TNFRSF4: variants seen among roughly 807,000 people sequenced by gnomAD.
The protein encoded by TNFRSF4 is TNF receptor superfamily member 4.
A neutral mutation model predicts 29.5 loss-of-function variants in TNFRSF4; 21 were observed. The ratio of observed to expected loss-of-function variants is 0.71; its 90% CI spans 0.51 to 1.03. The LOEUF (loss-of-function observed/expected upper bound fraction) is 1.03. TNFRSF4 is among the 50% of genes least tolerant of loss of function. TNFRSF4 has a pLI of 0.00. For synonymous variants in TNFRSF4, 197 were observed against 172.7 expected, an observed-to-expected ratio of 1.14 and a Z score of -1.10; for missense variants, 408 against 387.8, an observed-to-expected ratio of 1.05 and a Z score of -0.44.
chr1:1,213,385 C>G lies in TNFRSF4; in HGVS notation c.268+278G>C, dbSNP rs533670044. On this transcript the variant is annotated intron_variant, in intron 2 of 6. Transcript: ENST00000379236. Reference sequence around the variant, plus strand: ...GGCAGGGTCTCCATGGCCCAACCCCCCAGCCTCACTGCTCAGGCCAGCAAG... The same window carrying G: ...GGCAGGGTCTCCATGGCCCAACCCCGCAGCCTCACTGCTCAGGCCAGCAAG... The G allele has an allele frequency of 8.4e-4, 1,290 of 1,532,564 alleles. 2 individuals are homozygous for G. Among genetic ancestry groups the G allele is most frequent in the Non-Finnish European group, 1.1e-3 (1,233 of 1,143,606 alleles). 94.9% of individuals were successfully genotyped at this position (1,532,564 alleles called of 1,614,324 possible).
At position 1,214,105 on chromosome 1, in the gene TNFRSF4, A is replaced by C; in HGVS notation, c.23T>G (p.Leu8Arg). Residue 8 changes from leucine (L) to arginine (R), a missense_variant, in exon 1 of 7, where the codon CTG becomes CGG. Transcript: ENST00000379236. This position sits in a 1 kb window ranked among gnomAD's most constrained non-coding sequence, Gnocchi z 4.2. ...CAGAGCCGCACACGGCCCGCGGCCC[A>C]GCCGCCGAGCCCCCACGCACATCCT... MCVGARR[L>R]GRGPCAALLL... 1 of 1,583,336 alleles carries C rather than the reference A, an allele frequency of 6.3e-7. No individual in the cohort carries two copies. Among genetic ancestry groups the C allele is most frequent in the East Asian group, 2.3e-5 (1 of 43,998 alleles).
At position 1,212,688 on chromosome 1, in the gene TNFRSF4, AG is replaced by A; in HGVS notation, c.386del (p.Pro129LeufsTer?). On this transcript the variant is annotated frameshift_variant, in exon 4 of 7. Transcript: ENST00000379236. LOFTEE classifies it high-confidence loss of function. ...TGTCGCCTGGGGAGAAGTGCCCTGG[AG>A]GGCAGGGGGCACAGTCTGCAACAAA... ...YKPGVDCAPC[P>X]PGHFSPGDNQ... is the part of the protein sequence containing the mutation. 6.6e-7 allele frequency: 1 copy of A among 1,516,468 alleles called. No homozygotes were observed. Among genetic ancestry groups the A allele is most frequent in the Non-Finnish European group, 8.8e-7 (1 of 1,131,666 alleles). 93.9% of individuals were successfully genotyped at this position (1,516,468 alleles called of 1,614,324 possible).
rs773180013 is a variant in TNFRSF4, at chr1:1,211,963, G to A, written c.613C>T (p.Arg205Trp). 35 of 1,585,256 alleles carry A rather than the reference G, an allele frequency of 2.2e-5. No homozygotes were observed. Among genetic ancestry groups the A allele is most frequent in the African/African-American group, 6.7e-5 (5 of 74,156 alleles). ...WPRTSQGPST[R>W]PVEVPGGRAV... is the part of the protein sequence containing the mutation. ...TTACCCCCGGGGACCTCCACGGGCC[G>A]GGTGGAGGGTCCCTGTGAGGTTCTG... is the stretch of plus-strand genomic sequence containing the variant. Residue 205 changes from arginine to tryptophan, a missense_variant, in exon 5 of 7, where the codon CGG becomes TGG. Coordinates refer to ENST00000379236, the MANE Select transcript of TNFRSF4 (RefSeq NM_003327.4).
chr1:1,213,099 C>A lies in TNFRSF4; in HGVS notation c.269-6G>T. On this transcript the variant is annotated splice_region_variant and splice_polypyrimidine_tract_variant and intron_variant, in intron 2 of 6. Transcript: ENST00000379236. ...CTTCCGCTCACTCCCACTTCCTGAGCAGGGGCCGGATGGGGGGGTGGTCAG... is the reference window on the plus strand; with the variant it reads ...CTTCCGCTCACTCCCACTTCCTGAGAAGGGGCCGGATGGGGGGGTGGTCAG... The A allele has an allele frequency of 6.2e-7, 1 of 1,606,552 alleles. No individual in the cohort carries two copies. The highest frequency in any genetic ancestry group is 8.5e-7 in the Non-Finnish European group (1 of 1,177,916).
At chr1:1,212,208 C>T (rs1649172908) in intron 4 of TNFRSF4, 70 bp from the exon 5 acceptor site, 3 of 1,548,636 alleles carry the variant, frequency 1.9e-6, no homozygotes, top group Non-Finnish European at 2.6e-6. Context: ...GTGGGGATAA[C>T]AGGGTCCACG....
intron 4 of TNFRSF4, among the ~76,000 whole-genome samples, 174 bp from the exon 5 acceptor site, chr1:1,212,312 A>T (rs1325696357): frequency 6.6e-6 from 1 of 151,458 alleles, no homozygotes; most frequent in East Asian, 2.0e-4. Context: ...GGGGCCTCCA[A>T]GGCCACACAC....
At chr1:1,213,886 G>GC in intron 1 of TNFRSF4, 97 bp downstream of exon 1, 2 of 515,516 alleles carry the variant, frequency 3.9e-6, no homozygotes, top group South Asian at 4.6e-5. Flanking sequence ...CCCCTCACCC[G>GC]CCCCCTCCCC....
rs372412045 is a variant in TNFRSF4 at position 1,212,091 on chromosome 1, G to A, written c.485C>T (p.Ser162Leu). The change falls in exon 5 of 7, where the codon TCG becomes TTG. Residue 162 changes from serine (S) to leucine (L), a missense_variant. Transcript: ENST00000379236. ...GTCCCTGTCCTCACAGATTGCGTCC[G>A]AGCTATTGCTGGCCGGCTGCAGGGT... The part of the protein sequence containing the change: ...KHTLQPASNS[S>L]DAICEDRDPP... 9.3e-6 allele frequency: 15 copies of A among 1,612,492 alleles called. No individual in the cohort carries two copies. The highest frequency in any genetic ancestry group is 4.5e-5 in the East Asian group (2 of 44,888).
chr1:1,211,982 G>A lies in TNFRSF4; in HGVS notation c.594C>T (p.Thr198=). The change falls in exon 5 of 7, where the codon ACC becomes ACT. Residue 198 remains threonine, a synonymous_variant. Transcript: ENST00000379236. ...TVQPTEAWPR[T]SQGPSTRPVE... ...CGGGCCGGGTGGAGGGTCCCTGTGA[G>A]GTTCTGGGCCAGGCTTCAGTGGGCT... The A allele has an allele frequency of 6.2e-7, 1 of 1,602,182 alleles. No homozygotes were observed. Among genetic ancestry groups the A allele is most frequent in the Non-Finnish European group, 8.5e-7 (1 of 1,175,254 alleles).
chr1:1,214,085 C>A lies in TNFRSF4; in HGVS notation c.43G>T (p.Ala15Ser). The change falls in exon 1 of 7, where the codon GCT (alanine) becomes TCT (serine). Residue 15 changes from alanine (A) to serine (S), a missense_variant. Transcript: ENST00000379236. The surrounding 1 kb of genome is among the most constrained non-coding windows in gnomAD (Gnocchi z 4.2). Reference protein sequence around the residue: ...ARRLGRGPCAALLLLGLGLST... With the variant: ...ARRLGRGPCASLLLLGLGLST... ...AGCCCCAGGCCCAGGAGGAGCAGAGCCGCACACGGCCCGCGGCCCAGCCGC... is the reference window on the plus strand; with the variant it reads ...AGCCCCAGGCCCAGGAGGAGCAGAGACGCACACGGCCCGCGGCCCAGCCGC... The A allele has an allele frequency of 6.3e-7, 1 of 1,589,474 alleles. No homozygotes were observed. Among genetic ancestry groups the A allele is most frequent in the South Asian group, 1.1e-5 (1 of 88,440 alleles).
At position 1,211,625 on chromosome 1, in the gene TNFRSF4, C is replaced by G; in HGVS notation, c.764G>C (p.Gly255Ala). 6.4e-7 allele frequency: 1 copy of G among 1,554,674 alleles called. No homozygotes were observed. The highest frequency in any genetic ancestry group is 8.7e-7 in the Non-Finnish European group (1 of 1,152,406). The change falls in exon 7 of 7, where the codon GGG becomes GCG. Residue 255 changes from glycine to alanine, a missense_variant and splice_region_variant. Transcript: ENST00000379236. ...RLPPDAHKPP[G>A]GGSFRTPIQE... is the part of the protein sequence containing the mutation. ...GATGGGGGTCCGGAAACTGCCTCCC[C>G]CTGGGGAGGAAAAAAGGAGAGATTG...
intron 1 of TNFRSF4, 72 bp from the exon 2 acceptor site, chr1:1,213,857 C>T: frequency 6.7e-7 from 1 of 1,498,476 alleles, no homozygotes; most frequent in Non-Finnish European, 8.9e-7. Context: ...CAGGCGGCTC[C>T]TCTGCCAGGC....
Position 1,211,709 on chromosome 1 carries a change from G to T in TNFRSF4, c.758C>A (p.Pro253His). 1.3e-6 allele frequency: 2 copies of T among 1,592,932 alleles called. No individual in the cohort carries two copies. Among genetic ancestry groups the T allele is most frequent in the East Asian group, 2.3e-5 (1 of 44,274 alleles). Residue 253 changes from proline to histidine, a missense_variant, in exon 6 of 7, where the codon CCC (proline) becomes CAC (histidine). Coordinates refer to ENST00000379236, the MANE Select transcript of TNFRSF4 (RefSeq NM_003327.4). ...CAGGGCCATGAGGCACTCACCAGGG[G>T]GCTTGTGGGCATCGGGGGGCAGCCT... The part of the protein sequence containing the change: ...DQRLPPDAHK[P>H]PGGGSFRTPI...
At chr1:1,212,354 C>T (rs926840085) in intron 4 of TNFRSF4, among the ~76,000 whole-genome samples, 3 of 152,080 alleles carry the variant, frequency 2.0e-5, no homozygotes, top group Admixed American at 6.5e-5. Context: ...CCCACCAGCA[C>T]CTCCCTGTCC....
In TNFRSF4 at chr1:1,213,646, G is replaced by A. The variant is rs764677863; in HGVS notation, c.268+17C>T. ...CCCCTGTGCTGGGTGGGGCTGTGGG[G>A]CCAGGTGGGAGCTCACTGAGGTTAC... On this transcript the variant is annotated intron_variant, in intron 2 of 6. Transcript: ENST00000379236. The A allele has an allele frequency of 1.9e-6, 3 of 1,575,490 alleles. No homozygotes were observed. Among genetic ancestry groups the A allele is most frequent in the Middle Eastern group, 3.3e-4 (2 of 5,984 alleles).
In TNFRSF4 at chr1:1,214,044, C is replaced by T. The variant is rs1455488914; in HGVS notation, c.84G>A (p.Gly28=). ...LLGLGLSTVT[G]LHCVGDTYPS... is the part of the protein sequence containing the mutation. Reference sequence around the variant, plus strand: ...GGTAGGTGTCCCCGACACAGTGGAGCCCCGTCACGGTGCTCAGCCCCAGGC... The same window carrying T: ...GGTAGGTGTCCCCGACACAGTGGAGTCCCGTCACGGTGCTCAGCCCCAGGC... The change falls in exon 1 of 7, where the codon GGG becomes GGA. Residue 28 remains glycine (G), a synonymous_variant. Transcript: ENST00000379236. This position sits in a 1 kb window ranked among gnomAD's most constrained non-coding sequence, Gnocchi z 4.2. 2.5e-6 allele frequency: 4 copies of T among 1,602,696 alleles called. No individual in the cohort carries two copies. The highest frequency in any genetic ancestry group is 2.5e-6 in the Non-Finnish European group (3 of 1,177,314).
At position 1,211,362 on chromosome 1, in the gene TNFRSF4, T is replaced by G; in HGVS notation, c.*193A>C. 4.1e-6 allele frequency: 2 copies of G among 484,808 alleles called. No homozygotes were observed. Among genetic ancestry groups the G allele is most frequent in the Non-Finnish European group, 3.5e-6 (1 of 286,258 alleles). The allele number at this position is 484,808 out of a possible 1,614,324, so 30.0% of individuals were successfully genotyped here. On this transcript the variant is annotated 3_prime_UTR_variant, in exon 7 of 7. Coordinates refer to ENST00000379236, the MANE Select transcript of TNFRSF4 (RefSeq NM_003327.4). ...GACTCCCGTCTGCCAAGGTTTTTAT[T>G]GTGGTCCCGCGGGGCAGGAGGTATG...
intron 2 of TNFRSF4, 167 bp from the exon 3 acceptor site, chr1:1,213,260 T>C (rs1298856661): frequency 2.0e-6 from 3 of 1,533,022 alleles, no homozygotes; most frequent in African/African-American, 2.7e-5. Flanking sequence ...CCGAGGCTCC[T>C]GGGCCCTCCC....
Position 1,211,816 on chromosome 1 carries a change from G to C in TNFRSF4, c.651C>G (p.Ala217=). The C allele has an allele frequency of 6.4e-7, 1 of 1,551,454 alleles. No homozygotes were observed. Among genetic ancestry groups the C allele is most frequent in the Non-Finnish European group, 8.7e-7 (1 of 1,152,130 alleles). ...CCAGCACCAGGCCCAGGCCCAGGAT[G>C]GCGGCAACCGCACGGCCTGCAGGAA... is the stretch of plus-strand genomic sequence containing the variant. ...VEVPGGRAVA[A]ILGLGLVLGL... The change falls in exon 6 of 7, where the codon GCC becomes GCG. Residue 217 remains alanine, a synonymous_variant. Transcript: ENST00000379236.
Sources: allele counts gnomAD v4.1 joint callset (sites outside exome capture counted in the v4.1 genomes callset), GRCh38; gene constraint gnomAD v4.1.1; non-coding constraint Gnocchi (gnomAD v3.1); transcripts MANE v1.5; gene names NCBI Gene and HGNC (gene_info 2026-07-23, HGNC 2026-07-21).